The following SMAD5 variants were observed in gnomAD, a reference collection of about 807,000 sequenced individuals.
SMAD5 encodes the protein SMAD family member 5.
Under a neutral mutation model 43.1 loss-of-function variants are expected in SMAD5, and 9 were observed. The ratio of observed to expected loss-of-function variants is 0.21; its 90% CI spans 0.13 to 0.36. The LOEUF (loss-of-function observed/expected upper bound fraction) is 0.36, where lower values mean the gene tolerates loss of function less well. Ranked by LOEUF, SMAD5 falls within the 10% of genes least tolerant of loss-of-function variation. SMAD5 has a pLI of 1.00. For missense variants in SMAD5, 348 were observed against 574.0 expected (o/e 0.61, Z 4.02); for synonymous variants, 190 against 192.4 (o/e 0.99, Z 0.10).
In SMAD5 at chr5:136,138,837, G is replaced by C. The variant is rs76279234; in HGVS notation, c.-245+5875G>C. On this transcript the variant is annotated intron_variant, in intron 1 of 7. Coordinates refer to ENST00000545279, the MANE Select transcript of SMAD5 (RefSeq NM_005903.7). ...GTAAGGCCCTTCTGCCAAGCTTAGTGAATCTGAATTTTGAGGGATGGTTCT... is the reference window on the plus strand; with the variant it reads ...GTAAGGCCCTTCTGCCAAGCTTAGTCAATCTGAATTTTGAGGGATGGTTCT... Among the ~76,000 whole-genome samples the C allele has an allele frequency of 1.6e-3, 247 of 152,272 alleles. 2 individuals carry two copies. The highest frequency in any genetic ancestry group is 9.8e-3 in the East Asian group (51 of 5,184).
At chr5:136,175,974 C>A (rs1165891076) in intron 7 of SMAD5, among the ~76,000 whole-genome samples, 2 of 152,074 alleles carry the variant, frequency 1.3e-5, no homozygotes, top group Non-Finnish European at 2.9e-5. Flanking sequence ...TGAAAAATTT[C>A]TATTTCAATT....
At chr5:136,156,240 G>A (rs1753631358) in intron 3 of SMAD5, among the ~76,000 whole-genome samples, 1 of 152,144 alleles carries the variant, frequency 6.6e-6, no homozygotes, top group Admixed American at 6.5e-5. Flanking sequence ...CTGGTAAGAA[G>A]GACATTATAT....
At chr5:136,164,677 T>C (rs1753937571) in intron 5 of SMAD5, among the ~76,000 whole-genome samples, 1 of 152,212 alleles carries the variant, frequency 6.6e-6, no homozygotes, top group African/African-American at 2.4e-5. Context: ...TTCTTTTCAT[T>C]TTCTTAATGA....
At chr5:136,134,366 A>G (rs1330201437) in intron 1 of SMAD5, 1 of 152,204 alleles carries the variant, frequency 6.6e-6, no homozygotes, top group Non-Finnish European at 1.5e-5. Flanking sequence ...TTAGTTTTTA[A>G]TTTTAATTTG....
intron 4 of SMAD5, among the ~76,000 whole-genome samples, chr5:136,162,075 T>G (rs1753841364): frequency 1.3e-5 from 2 of 152,210 alleles, no homozygotes; most frequent in Non-Finnish European, 2.9e-5. Context: ...TTCATGGTCA[T>G]GGGTAGCCAG....
chr5:136,148,409 A>G (rs1753338023), intron 2 of SMAD5, among the ~76,000 whole-genome samples: 2 of 151,844 alleles, frequency 1.3e-5, no homozygotes, highest in African/African-American at 4.8e-5. Flanking sequence ...CCCTGAGCTC[A>G]GTATTCCTCA....
chr5:136,169,081 C>T (rs926195519), intron 5 of SMAD5, among the ~76,000 whole-genome samples: 2 of 152,180 alleles, frequency 1.3e-5, no homozygotes, highest in Non-Finnish European at 2.9e-5. Flanking sequence ...AAGCCCAAAA[C>T]CTCAAAAGTA....
chr5:136,157,666 A>AT (rs1362940463), intron 3 of SMAD5, among the ~76,000 whole-genome samples: 1 of 152,118 alleles, frequency 6.6e-6, no homozygotes, highest in Non-Finnish European at 1.5e-5. Flanking sequence ...TTGCTTTCCT[A>AT]TGAGAATCTC....
At position 136,153,778 on chromosome 5, in the gene SMAD5, C is replaced by G; in HGVS notation, c.18C>G (p.Ser6Arg). The G allele has an allele frequency of 6.2e-7, 1 of 1,610,516 alleles. No homozygotes were observed. Among genetic ancestry groups the G allele is most frequent in the Non-Finnish European group, 8.5e-7 (1 of 1,178,170 alleles). The change falls in exon 3 of 8, where the codon AGC (serine) becomes AGG (arginine). Residue 6 changes from serine (S) to arginine (R), a missense_variant. This residue lies in a region of SMAD5 where 39 missense variants were observed against 78.5 expected (regional missense o/e 0.50). Transcript: ENST00000545279. MTSMA[S>R]LFSFTSPAVK... ...TGTGTCAAATGACGTCAATGGCCAGCTTGTTTTCTTTTACTAGTCCAGCAG... is the reference window on the plus strand; with the variant it reads ...TGTGTCAAATGACGTCAATGGCCAGGTTGTTTTCTTTTACTAGTCCAGCAG...
intron 3 of SMAD5, among the ~76,000 whole-genome samples, chr5:136,155,045 C>T (rs950461422): frequency 6.6e-6 from 1 of 152,168 alleles, no homozygotes; most frequent in Admixed American, 6.5e-5. Flanking sequence ...CATGCTGTCA[C>T]ATGTCTTAAG....
chr5:136,152,105 A>G (rs990374913), intron 2 of SMAD5, among the ~76,000 whole-genome samples: 2 of 152,120 alleles, frequency 1.3e-5, no homozygotes, highest in Admixed American at 1.3e-4. Flanking sequence ...GCATATCCAT[A>G]CATAAGGAGG....
chr5:136,174,708 AT>A, intron 7 of SMAD5, 76 bp downstream of exon 7: 2 of 1,045,390 alleles, frequency 1.9e-6, no homozygotes. Flanking sequence ...ATTTTTAAAA[AT>A]TGTTAAATGA....
chr5:136,161,225 T>C, intron 4 of SMAD5, 118 bp downstream of exon 4: 1 of 834,758 alleles, frequency 1.2e-6, no homozygotes, highest in Non-Finnish European at 1.9e-6. Flanking sequence ...TGTTTCTGAC[T>C]CTTTATTCTT....
chr5:136,157,228 T>G (rs1753666854), intron 3 of SMAD5, among the ~76,000 whole-genome samples: 1 of 151,732 alleles, frequency 6.6e-6, no homozygotes, highest in Non-Finnish European at 1.5e-5. Context: ...TATAGTGGAG[T>G]AAGTTTTGCA....
At chr5:136,142,380 C>T (rs1263493912) in intron 1 of SMAD5, among the ~76,000 whole-genome samples, 2 of 151,960 alleles carry the variant, frequency 1.3e-5, no homozygotes, top group African/African-American at 4.8e-5. Flanking sequence ...CATGATATAC[C>T]GTAATTTTAT....
chr5:136,155,568 A>G (rs911961618), intron 3 of SMAD5, among the ~76,000 whole-genome samples: 15 of 152,166 alleles, frequency 9.9e-5, no homozygotes, highest in Non-Finnish European at 1.5e-4. Context: ...AGGCTGTCAC[A>G]CTTAAAGAGA....
At chr5:136,161,792 A>G (rs1753832888) in intron 4 of SMAD5, among the ~76,000 whole-genome samples, 1 of 152,230 alleles carries the variant, frequency 6.6e-6, no homozygotes, top group South Asian at 2.1e-4. Context: ...AGTCATATAT[A>G]AGTACAGTAA....
chr5:136,135,231 T>G (rs1752834210), intron 1 of SMAD5, among the ~76,000 whole-genome samples: 1 of 152,236 alleles, frequency 6.6e-6, no homozygotes, highest in Non-Finnish European at 1.5e-5. Context: ...TTATGTAACA[T>G]GTTGCTGGGA....
At chr5:136,166,155 A>AT (rs57949243) in intron 5 of SMAD5, among the ~76,000 whole-genome samples, 20,162 of 148,064 alleles carry the variant, frequency 0.14, 1,611 homozygotes, top group Non-Finnish European at 0.19. Context: ...GTTGTTCTGT[A>AT]TTTTTTTTAT....
Sources: allele counts gnomAD v4.1 joint callset (sites outside exome capture counted in the v4.1 genomes callset), GRCh38; gene constraint gnomAD v4.1.1; regional missense constraint gnomAD v4.1.1; transcripts MANE v1.5; gene names NCBI Gene and HGNC (gene_info 2026-07-23, HGNC 2026-07-21).